Variants in SGPP1 observed in about 807,000 individuals in gnomAD.
SGPP1 encodes hSPP1.
Under a neutral mutation model 33.0 loss-of-function variants are expected in SGPP1, and 21 were observed. The observed-to-expected ratio is 0.64, with a 90% CI of 0.45 to 0.92. SGPP1 has a LOEUF of 0.92. Among genes scored for constraint, SGPP1 ranks in the 40% least tolerant of loss-of-function variants. The pLI is 0.00. For missense variants in SGPP1, 543 were observed against 589.4 expected (o/e 0.92, Z 0.81); for synonymous variants, 239 against 241.2 (o/e 0.99, Z 0.08).
intron 2 of SGPP1, among the ~76,000 whole-genome samples, chr14:63,698,001 C>T (rs1022101715): frequency 2.0e-5 from 3 of 152,058 alleles, no homozygotes; most frequent in Non-Finnish European, 4.4e-5. Context: ...ATAGGGATAG[C>T]GAGGAGGGAA....
intron 1 of SGPP1, among the ~76,000 whole-genome samples, chr14:63,706,367 G>A (rs1393694559): frequency 6.6e-6 from 1 of 152,072 alleles, no homozygotes; most frequent in Non-Finnish European, 1.5e-5. Flanking sequence ...ACGGTTGTAC[G>A]ACATTGTGAA....
chr14:63,715,717 A>G (rs1284575195), intron 1 of SGPP1, among the ~76,000 whole-genome samples: 1 of 152,212 alleles, frequency 6.6e-6, no homozygotes, highest in Non-Finnish European at 1.5e-5. Context: ...TTGGAGAGAC[A>G]AATCTCAGAG....
At chr14:63,707,591 A>T (rs1885441908) in intron 1 of SGPP1, among the ~76,000 whole-genome samples, 1 of 149,848 alleles carries the variant, frequency 6.7e-6, no homozygotes, top group Admixed American at 6.7e-5. Flanking sequence ...GCTGGAGTGC[A>T]ATGGCGCGAT....
rs550259434 is a variant in SGPP1 at position 63,725,162 on chromosome 14, C to G, written c.684+2099G>C. ...CCGAGATGGGTGGATCCCCTGAGGTCAGGAGTTCAAGACCAGCTTGGCCAA... is the reference window on the plus strand; with the variant it reads ...CCGAGATGGGTGGATCCCCTGAGGTGAGGAGTTCAAGACCAGCTTGGCCAA... On this transcript the variant is annotated intron_variant, in intron 1 of 2. Transcript: ENST00000247225. Among the ~76,000 whole-genome samples, 4 of 152,282 alleles carry G rather than the reference C, an allele frequency of 2.6e-5. No individual in the cohort carries two copies. In the East Asian group the frequency reaches 5.8e-4, roughly 22 times the overall value.
At position 63,685,987 on chromosome 14, in the gene SGPP1, A is replaced by G; in HGVS notation, c.*118T>C. 1.7e-6 allele frequency: 1 copy of G among 599,408 alleles called. No homozygotes were observed. Among genetic ancestry groups the G allele is most frequent in the South Asian group, 2.9e-5 (1 of 34,382 alleles). The allele number at this position is 599,408 out of a possible 1,614,324, so 37.1% of individuals were successfully genotyped here. On this transcript the variant is annotated 3_prime_UTR_variant, in exon 3 of 3. Transcript: ENST00000247225. ...CACTGACTCTTATGAATTTACTTAA[A>G]TAATTATTTAAGTTAAATTCCTGCA... is the stretch of plus-strand genomic sequence containing the variant.
Position 63,688,886 on chromosome 14 carries a change from T to A in SGPP1, c.775-2230A>T, listed in dbSNP as rs567872061. On this transcript the variant is annotated intron_variant, in intron 2 of 2. Transcript: ENST00000247225. ...ACAGGCGCCCGCCACCATGCCCGAC[T>A]AATTTTTTGTATTTTTAGTAGAGAC... Among the ~76,000 whole-genome samples the A allele has an allele frequency of 2.0e-5, 3 of 152,196 alleles. No individual in the cohort carries two copies. In the East Asian group the frequency reaches 5.8e-4, roughly 29 times the overall value.
chr14:63,727,842 G>C lies in SGPP1; in HGVS notation c.103C>G (p.Arg35Gly). Residue 35 changes from arginine to glycine, a missense_variant, in exon 1 of 3, where the codon CGC becomes GGC. Physicochemically the swap from Arg to Gly is moderately radical, Grantham distance 125. Transcript: ENST00000247225. ...RLCGVEAPPR[R>G]SADRREDEKA... ...TCATCCTCCCTCCGGTCTGCTGAGC[G>C]GCGCGGCGGCGCTTCCACCCCGCAC... 6.6e-7 allele frequency: 1 copy of C among 1,513,168 alleles called. No individual in the cohort carries two copies. Among genetic ancestry groups the C allele is most frequent in the Non-Finnish European group, 8.8e-7 (1 of 1,136,928 alleles). 93.7% of individuals were successfully genotyped at this position (1,513,168 alleles called of 1,614,324 possible). A position where few individuals can be genotyped will look rare whatever the true frequency, so the allele number is the denominator to read the frequency against.
rs761050565 is a variant in SGPP1 at position 63,691,200 on chromosome 14, G to A, written c.775-4544C>T. On this transcript the variant is annotated intron_variant, in intron 2 of 2. Coordinates refer to ENST00000247225, the MANE Select transcript of SGPP1 (RefSeq NM_030791.4). ...CACAATCAATTAACAAAATGTTTAC[G>A]CTCGATCTTAGCCAAAAGGCTGAGA... Among the ~76,000 whole-genome samples, 38 of 152,176 alleles carry A rather than the reference G, an allele frequency of 2.5e-4. No homozygotes were observed. In the Middle Eastern group the frequency reaches 0.01, roughly 41 times the overall value.
At chr14:63,711,973 C>T (rs1318937492) in intron 1 of SGPP1, among the ~76,000 whole-genome samples, 1 of 147,668 alleles carries the variant, frequency 6.8e-6, no homozygotes, top group African/African-American at 2.5e-5. Context: ...GAGGTTGCAG[C>T]GAGCCAAGAT....
rs1032235112 is a variant in SGPP1 at position 63,684,966 on chromosome 14, A to C, written c.*1139T>G. ...AATCCTTTCCAAATTATTTAGAAAAATGCTTTGTTTACATATGAAGTATGT... is the reference window on the plus strand; with the variant it reads ...AATCCTTTCCAAATTATTTAGAAAACTGCTTTGTTTACATATGAAGTATGT... On this transcript the variant is annotated 3_prime_UTR_variant, in exon 3 of 3. Coordinates refer to ENST00000247225, the MANE Select transcript of SGPP1 (RefSeq NM_030791.4). 2 of 152,194 alleles carry C rather than the reference A, an allele frequency of 1.3e-5. No homozygotes were observed. Among genetic ancestry groups the C allele is most frequent in the African/African-American group, 4.8e-5 (2 of 41,454 alleles). The allele number at this position is 152,194 out of a possible 1,614,324, so 9.4% of individuals were successfully genotyped here.
chr14:63,724,592 T>A (rs1315614903), intron 1 of SGPP1, among the ~76,000 whole-genome samples: 2 of 147,410 alleles, frequency 1.4e-5, no homozygotes, highest in Non-Finnish European at 3.0e-5. Flanking sequence ...GGTACTTTTG[T>A]TTTCAATAGA....
At chr14:63,700,155 G>T (rs532074578) in intron 1 of SGPP1, among the ~76,000 whole-genome samples, 1 of 151,940 alleles carries the variant, frequency 6.6e-6, no homozygotes, top group East Asian at 1.9e-4. Context: ...CCTTGGCCTC[G>T]CAAAGTGCTA....
At chr14:63,693,764 C>G (rs73263701) in intron 2 of SGPP1, among the ~76,000 whole-genome samples, 4,307 of 152,250 alleles carry the variant, frequency 0.028, 230 homozygotes, top group African/African-American at 0.098. Context: ...CAGGTACAAG[C>G]CACCATGACC....
intron 1 of SGPP1, among the ~76,000 whole-genome samples, chr14:63,713,746 A>G (rs937932400): frequency 2.6e-5 from 4 of 152,356 alleles, no homozygotes; most frequent in Non-Finnish European, 4.4e-5. Flanking sequence ...GAAATTATAT[A>G]CAGTTCATAC....
chr14:63,709,100 C>T (rs1885473387), intron 1 of SGPP1, among the ~76,000 whole-genome samples: 1 of 152,048 alleles, frequency 6.6e-6, no homozygotes, highest in South Asian at 2.1e-4. Flanking sequence ...TCTGGCTGGG[C>T]GTGGTGGGTC....
chr14:63,701,212 G>A (rs769461499), intron 1 of SGPP1, among the ~76,000 whole-genome samples: 6 of 151,970 alleles, frequency 3.9e-5, no homozygotes, highest in Admixed American at 6.6e-5. Flanking sequence ...TTAAATTCCC[G>A]GGCTCAAGCA....
intron 1 of SGPP1, 33 bp downstream of exon 1, chr14:63,727,228 C>T: frequency 1.3e-6 from 2 of 1,570,174 alleles, no homozygotes; most frequent in South Asian, 1.2e-5. Flanking sequence ...CTTTGAACTC[C>T]CCCAGGCTGA....
chr14:63,724,616 TAAA>T (rs34386504), intron 1 of SGPP1, among the ~76,000 whole-genome samples: 2 of 84,986 alleles, frequency 2.4e-5, no homozygotes, highest in Non-Finnish European at 4.7e-5. Context: ...CAAGGATCTT[TAAA>T]AAAAAAAAAA....
chr14:63,719,708 CTTCT>C lies in SGPP1; in HGVS notation c.684+7549_684+7552del, dbSNP rs945073760. ...AAAATTAGATAGCATTTTCTCTCTC[CTTCT>C]GTTTGCCTCTCTCCCTCTCTCTCTC... On this transcript the variant is annotated intron_variant, in intron 1 of 2. Transcript: ENST00000247225. Among the ~76,000 whole-genome samples the C allele has an allele frequency of 6.2e-4, 93 of 150,250 alleles. 1 individual carries two copies. Among genetic ancestry groups the C allele is most frequent in the African/African-American group, 2.1e-3 (85 of 39,966 alleles).
Sources: allele counts gnomAD v4.1 joint callset (sites outside exome capture counted in the v4.1 genomes callset), GRCh38; gene constraint gnomAD v4.1.1; transcripts MANE v1.5; gene names NCBI Gene and HGNC (gene_info 2026-07-23, HGNC 2026-07-21).